The following PDLIM1 variants were observed in gnomAD, a reference collection of about 807,000 sequenced individuals.
PDLIM1 encodes PDZ and LIM domain 1.
PDLIM1 carries 25 observed loss-of-function variants against 35.2 expected under a neutral mutation model. The ratio of observed to expected loss-of-function variants is 0.71; its 90% CI spans 0.52 to 0.99. The LOEUF (loss-of-function observed/expected upper bound fraction) is 0.99. Among genes scored for constraint, PDLIM1 ranks in the 50% least tolerant of loss-of-function variants. The pLI is 0.00. For missense variants in PDLIM1, 363 were observed against 415.3 expected, an observed-to-expected ratio of 0.87 and a Z score of 1.09; for synonymous variants, 152 against 154.0, an observed-to-expected ratio of 0.99 and a Z score of 0.10.
At position 95,276,922 on chromosome 10, in the gene PDLIM1, A is replaced by AAAAAC. The variant is rs1302373698; in HGVS notation, c.97-5139_97-5138insGTTTT. Among the ~76,000 whole-genome samples the AAAAAC allele has an allele frequency of 5.6e-4, 52 of 92,426 alleles. 1 individual carries two copies. The highest frequency in any genetic ancestry group is 1.3e-3 in the Non-Finnish European group (44 of 32,770). 60.6% of individuals were successfully genotyped at this position (92,426 alleles called of 152,430 possible). On this transcript the variant is annotated intron_variant, in intron 1 of 6. Transcript: ENST00000329399. Reference sequence around the variant, plus strand: ...AAAAAAAAAAAAAAAAAAAAAAAAAAAACTTCTGGGCCAGGCATGGTGGCT... The same window carrying AAAAAC: ...AAAAAAAAAAAAAAAAAAAAAAAAAAAAAACAACTTCTGGGCCAGGCATGGTGGCT...
At chr10:95,278,727 T>C (rs140228722) in intron 1 of PDLIM1, among the ~76,000 whole-genome samples, 13 of 152,036 alleles carry the variant, frequency 8.6e-5, no homozygotes, top group Non-Finnish European at 1.9e-4. Flanking sequence ...AATTGAAACA[T>C]AGCATCTGAC....
chr10:95,263,374 A>C (rs2035383059), intron 4 of PDLIM1, among the ~76,000 whole-genome samples: 1 of 152,002 alleles, frequency 6.6e-6, no homozygotes. Flanking sequence ...CCTCTGGTCC[A>C]CTCTAGGGAA....
In PDLIM1 at chr10:95,249,963, T is replaced by C. The variant is rs45626334; in HGVS notation, c.534-2597A>G. 8.5e-3 allele frequency among the ~76,000 whole-genome samples: 1,293 copies of C among 152,258 alleles called. 28 individuals carry two copies. Among genetic ancestry groups the C allele is most frequent in the African/African-American group, 0.03 (1,231 of 41,538 alleles). On this transcript the variant is annotated intron_variant, in intron 4 of 6. Coordinates refer to ENST00000329399, the MANE Select transcript of PDLIM1 (RefSeq NM_020992.4). The stretch of plus-strand genomic sequence containing the variant: ...GTCCTGCCCACTCCTGCTTGGCCTC[T>C]TCCCCCACCTGCAGGGAACTGTGGG...
At chr10:95,274,573 A>G (rs2035495809) in intron 1 of PDLIM1, among the ~76,000 whole-genome samples, 1 of 152,110 alleles carries the variant, frequency 6.6e-6, no homozygotes, top group African/African-American at 2.4e-5. Context: ...CTGGGATTAC[A>G]GGCGTGAGCC....
chr10:95,259,992 T>C (rs2035347063), intron 4 of PDLIM1, among the ~76,000 whole-genome samples: 1 of 152,214 alleles, frequency 6.6e-6, no homozygotes, highest in South Asian at 2.1e-4. Flanking sequence ...CAGCAAAGTC[T>C]TCTCCATTAC....
Position 95,290,475 on chromosome 10 carries a change from C to T in PDLIM1, c.96+345G>A, listed in dbSNP as rs1227686574. Among the ~76,000 whole-genome samples the T allele has an allele frequency of 1.3e-5, 2 of 152,110 alleles. No individual in the cohort carries two copies. The highest frequency in any genetic ancestry group is 2.9e-5 in the Non-Finnish European group (2 of 68,008). On this transcript the variant is annotated intron_variant, in intron 1 of 6. Coordinates refer to ENST00000329399, the MANE Select transcript of PDLIM1 (RefSeq NM_020992.4). The surrounding 1 kb of genome is among the most constrained non-coding windows in gnomAD (Gnocchi z 4.7). Reference sequence around the variant, plus strand: ...GGGAAGAAGGGAGAAGTGCCATCTCCCAGCGCGCGGGATCTGCGGGGACCC... The same window carrying T: ...GGGAAGAAGGGAGAAGTGCCATCTCTCAGCGCGCGGGATCTGCGGGGACCC...
intron 1 of PDLIM1, among the ~76,000 whole-genome samples, chr10:95,277,317 T>C (rs1241188093): frequency 9.9e-5 from 15 of 151,908 alleles, no homozygotes; most frequent in Non-Finnish European, 5.9e-5. Flanking sequence ...CACACAACTC[T>C]TGCTGCATAA....
At chr10:95,260,175 T>C (rs1401366092) in intron 4 of PDLIM1, among the ~76,000 whole-genome samples, 4 of 152,246 alleles carry the variant, frequency 2.6e-5, no homozygotes, top group African/African-American at 9.6e-5. Context: ...CTCAACAACC[T>C]GGTGGTAAAG....
intron 5 of PDLIM1, among the ~76,000 whole-genome samples, chr10:95,245,073 C>G (rs1564597817): frequency 6.6e-6 from 1 of 152,220 alleles, no homozygotes; most frequent in Non-Finnish European, 1.5e-5. Flanking sequence ...TCCCTCTTCC[C>G]TTCCAGCAGA....
intron 1 of PDLIM1, among the ~76,000 whole-genome samples, chr10:95,286,324 T>G (rs1393224720): frequency 1.3e-5 from 2 of 151,502 alleles, no homozygotes; most frequent in African/African-American, 4.9e-5. Context: ...GCCACTGAAC[T>G]CTAGCCTGGG....
chr10:95,259,755 T>C (rs2035345520), intron 4 of PDLIM1, among the ~76,000 whole-genome samples: 1 of 152,234 alleles, frequency 6.6e-6, no homozygotes, highest in South Asian at 2.1e-4. Context: ...TAGAAAATGA[T>C]GCATCCCTTT....
At chr10:95,243,599 G>A (rs571470303) in intron 5 of PDLIM1, among the ~76,000 whole-genome samples, 5 of 152,122 alleles carry the variant, frequency 3.3e-5, no homozygotes, top group East Asian at 3.9e-4. Context: ...AACGAGCCTC[G>A]GTACTTGCTG....
intron 2 of PDLIM1, 87 bp downstream of exon 2, chr10:95,271,546 G>A: frequency 8.5e-7 from 1 of 1,171,894 alleles, no homozygotes; most frequent in Non-Finnish European, 1.2e-6. Context: ...AGGAGGTCTG[G>A]GGGATTCTGA....
intron 1 of PDLIM1, among the ~76,000 whole-genome samples, chr10:95,275,024 T>C (rs12783709): frequency 0.19 from 28,941 of 152,170 alleles, 2,761 homozygotes; most frequent in Middle Eastern, 0.29. Flanking sequence ...CCAGCCATTA[T>C]TCCAGAGCTC....
At chr10:95,271,527 C>T in intron 2 of PDLIM1, 106 bp downstream of exon 2, 1 of 872,066 alleles carries the variant, frequency 1.1e-6, no homozygotes, top group South Asian at 1.8e-5. Flanking sequence ...ATATACATGG[C>T]ACTGAGCTAG....
chr10:95,263,609 G>A (rs910567013), intron 4 of PDLIM1, among the ~76,000 whole-genome samples: 3 of 152,152 alleles, frequency 2.0e-5, no homozygotes, highest in African/African-American at 7.2e-5. Flanking sequence ...CAGTTCTGGA[G>A]GATTAAGTGA....
intron 4 of PDLIM1, among the ~76,000 whole-genome samples, chr10:95,253,654 C>CT (rs921579726): frequency 1.7e-4 from 18 of 104,146 alleles, no homozygotes; most frequent in Non-Finnish European, 1.9e-4. Context: ...GAGACTCTGT[C>CT]TTAAAAAAAA....
chr10:95,265,256 A>C (rs1020140252), intron 3 of PDLIM1, among the ~76,000 whole-genome samples: 1 of 152,070 alleles, frequency 6.6e-6, no homozygotes, highest in Non-Finnish European at 1.5e-5. Flanking sequence ...TGAGTACCTA[A>C]TTTAAAATAA....
intron 4 of PDLIM1, among the ~76,000 whole-genome samples, chr10:95,258,517 A>G (rs2035335553): frequency 6.6e-6 from 1 of 152,160 alleles, no homozygotes; most frequent in Non-Finnish European, 1.5e-5. Flanking sequence ...AAAGAAAAGA[A>G]GAAGGAAATT....
Sources: allele counts gnomAD v4.1 joint callset (sites outside exome capture counted in the v4.1 genomes callset), GRCh38; gene constraint gnomAD v4.1.1; non-coding constraint Gnocchi (gnomAD v3.1); transcripts MANE v1.5; gene names NCBI Gene and HGNC (gene_info 2026-07-23, HGNC 2026-07-21).